ARFGEF2: variants seen among roughly 807,000 people sequenced by gnomAD.
ARFGEF2 encodes brefeldin A-inhibited guanine nucleotide-exchange protein 2.
A neutral mutation model predicts 219.9 loss-of-function variants in ARFGEF2; 74 were observed. That is an observed-to-expected ratio of 0.34 (90% CI 0.28 to 0.41). The LOEUF is 0.41. Among genes scored for constraint, ARFGEF2 ranks in the 10% least tolerant of loss-of-function variants. The pLI is 1.00. For synonymous variants in ARFGEF2, 733 were observed against 799.2 expected (o/e 0.92, Z 1.40); for missense variants, 1,743 against 2,218.3 (o/e 0.79, Z 4.30).
Position 48,991,046 on chromosome 20 carries a change from C to T in ARFGEF2, c.2821C>T (p.Arg941Ter). 3.1e-6 allele frequency: 5 copies of T among 1,613,966 alleles called. No individual in the cohort carries two copies. The highest frequency in any genetic ancestry group is 4.2e-6 in the Non-Finnish European group (5 of 1,179,954). The change falls in exon 21 of 39, where the codon CGA becomes TGA. Residue 941 changes from arginine (R) to a stop codon, truncating the protein, a stop_gained. Transcript: ENST00000371917. LOFTEE classifies it high-confidence loss of function. ...TCTTGGGTTTCTGTTACAGCTGGAACGAGATGCCTATGTTCAGGCTCTTGC... is the reference window on the plus strand; with the variant it reads ...TCTTGGGTTTCTGTTACAGCTGGAATGAGATGCCTATGTTCAGGCTCTTGC... ...IACIFGMQLE[R>*]DAYVQALARF...
chr20:49,002,099 G>A lies in ARFGEF2; in HGVS notation c.3433-2971G>A, dbSNP rs574879964. 3.9e-5 allele frequency among the ~76,000 whole-genome samples: 6 copies of A among 152,210 alleles called. No individual in the cohort carries two copies. In the South Asian group the frequency reaches 1.2e-3, roughly 32 times the overall value. On this transcript the variant is annotated intron_variant, in intron 25 of 38. Transcript: ENST00000371917. ...AGCCAAATACAAAAATTAGCAGGGC[G>A]CGGTAGTGGACGCCTGTAATCCCAG...
At chr20:48,955,067 A>G (rs1056978109) in intron 6 of ARFGEF2, among the ~76,000 whole-genome samples, 4 of 152,188 alleles carry the variant, frequency 2.6e-5, no homozygotes, top group African/African-American at 7.2e-5. Context: ...AGCCAAAGTG[A>G]TCTCTTAAAA....
chr20:48,977,491 C>T (rs1404886937), intron 14 of ARFGEF2, among the ~76,000 whole-genome samples: 1 of 152,090 alleles, frequency 6.6e-6, no homozygotes, highest in Non-Finnish European at 1.5e-5. Flanking sequence ...GGTATATACC[C>T]AGTAATGGGA....
In ARFGEF2 at chr20:49,023,523, GTT is replaced by G. The variant is rs11289917; in HGVS notation, c.4755+354_4755+355del. ...CAATTGATATACAGTTTTTTTTCTGGTTTTTTTTTTTTTGTTTTTTTTTTTGT... is the reference window on the plus strand; with the variant it reads ...CAATTGATATACAGTTTTTTTTCTGGTTTTTTTTTTTGTTTTTTTTTTTGT... On this transcript the variant is annotated intron_variant, in intron 35 of 38. Coordinates refer to ENST00000371917, the MANE Select transcript of ARFGEF2 (RefSeq NM_006420.3). 5.3e-4 allele frequency among the ~76,000 whole-genome samples: 51 copies of G among 96,990 alleles called. No individual in the cohort carries two copies. The East Asian group carries it at 0.011, about 22-fold the overall frequency. 63.6% of individuals were successfully genotyped at this position (96,990 alleles called of 152,430 possible).
chr20:48,979,975 A>G (rs531487176), intron 14 of ARFGEF2, among the ~76,000 whole-genome samples: 7 of 150,968 alleles, frequency 4.6e-5, no homozygotes, highest in East Asian at 3.9e-4. Context: ...TTATGTCTCT[A>G]TCTCCTTCAG....
chr20:48,964,144 C>T (rs183358558), intron 7 of ARFGEF2, among the ~76,000 whole-genome samples: 45 of 152,300 alleles, frequency 3.0e-4, no homozygotes, highest in Middle Eastern at 6.8e-3. Flanking sequence ...CGCGGTGGCT[C>T]ATGCCTGTAA....
At position 48,971,125 on chromosome 20, in the gene ARFGEF2, A is replaced by G; in HGVS notation, c.1196A>G (p.His399Arg). ...TTTTTCATTTTCTTTGCCAGATCCCATGAGCTGCGTTCCAAGGTGGTTTCC... is the reference window on the plus strand; with the variant it reads ...TTTTTCATTTTCTTTGCCAGATCCCGTGAGCTGCGTTCCAAGGTGGTTTCC... The part of the protein sequence containing the change: ...LGEGPPDPKS[H>R]ELRSKVVSLQ... The change falls in exon 10 of 39, where the codon CAT (histidine) becomes CGT (arginine). Residue 399 changes from histidine (H) to arginine (R), a missense_variant. His to Arg is a conservative substitution (Grantham distance 29). Around this residue, in one of 5 missense-constraint regions of ARFGEF2, gnomAD observed 666 missense variants for 955.4 expected, o/e 0.70. Transcript: ENST00000371917. 1 of 1,614,030 alleles carries G rather than the reference A, an allele frequency of 6.2e-7. No homozygotes were observed. Among genetic ancestry groups the G allele is most frequent in the Non-Finnish European group, 8.5e-7 (1 of 1,179,966 alleles).
intron 1 of ARFGEF2, among the ~76,000 whole-genome samples, chr20:48,927,933 A>C (rs1482276344): frequency 6.6e-6 from 1 of 152,080 alleles, no homozygotes; most frequent in East Asian, 1.9e-4. Context: ...GCATCAAAAA[A>C]CTGGATTGTT....
intron 1 of ARFGEF2, among the ~76,000 whole-genome samples, chr20:48,927,702 TA>T (rs1298054565): frequency 2.6e-5 from 4 of 151,670 alleles, no homozygotes; most frequent in Non-Finnish European, 5.9e-5. Flanking sequence ...AAAAAAAAAT[TA>T]AAAAATAAAT....
intron 1 of ARFGEF2, among the ~76,000 whole-genome samples, chr20:48,928,740 C>T (rs538680819): frequency 2.6e-5 from 4 of 152,212 alleles, no homozygotes; most frequent in Non-Finnish European, 5.9e-5. Context: ...GTGATCTGCC[C>T]GCCTCAGCCT....
Position 49,017,379 on chromosome 20 carries a change from C to A in ARFGEF2, c.4446C>A (p.Ile1482=). Residue 1482 remains isoleucine (I), a synonymous_variant, in exon 32 of 39, where the codon ATC becomes ATA. Coordinates refer to ENST00000371917, the MANE Select transcript of ARFGEF2 (RefSeq NM_006420.3). ...TGTTGGATATTTTCAAAACAACCAT[C>A]CCACATGTGTAAGTGTTCATGCAGT... The part of the protein sequence containing the change: ...NCMLDIFKTT[I]PHVLLTWRPV... 1 of 1,614,024 alleles carries A rather than the reference C, an allele frequency of 6.2e-7. No homozygotes were observed. Among genetic ancestry groups the A allele is most frequent in the Non-Finnish European group, 8.5e-7 (1 of 1,179,988 alleles).
chr20:49,005,019 C>G, intron 25 of ARFGEF2, 51 bp from the exon 26 acceptor site: 1 of 1,609,268 alleles, frequency 6.2e-7, no homozygotes. Context: ...AGACCCACGT[C>G]GGTCATTATT....
intron 14 of ARFGEF2, 56 bp from the exon 15 acceptor site, chr20:48,984,673 T>C (rs1053143660): frequency 1.2e-6 from 2 of 1,605,334 alleles, no homozygotes; most frequent in Non-Finnish European, 1.7e-6. Flanking sequence ...TACCAGCTTT[T>C]GCTATCCTCC....
chr20:48,988,614 A>G lies in ARFGEF2; in HGVS notation c.2485A>G (p.Met829Val). The G allele has an allele frequency of 6.2e-7, 1 of 1,613,868 alleles. No homozygotes were observed. ...AGAGATAGAAGGCAAGAAAATTGCA[A>G]TGAAAGAAACAAAAGAGCTAACGAT... ...YEEIEGKKIA[M>V]KETKELTIAT... Residue 829 changes from methionine to valine, a missense_variant, in exon 18 of 39, where the codon ATG becomes GTG. Coordinates refer to ENST00000371917, the MANE Select transcript of ARFGEF2 (RefSeq NM_006420.3).
chr20:48,999,367 C>A (rs1230390968), intron 25 of ARFGEF2: 4 of 349,874 alleles, frequency 1.1e-5, no homozygotes, highest in Non-Finnish European at 2.2e-5. Flanking sequence ...TTATTATATA[C>A]ATACAGACAT....
intron 26 of ARFGEF2, among the ~76,000 whole-genome samples, chr20:49,005,934 A>G (rs2032195947): frequency 6.6e-6 from 1 of 151,948 alleles, no homozygotes; most frequent in Non-Finnish European, 1.5e-5. Context: ...CGTACTGTTC[A>G]TTTATTCACT....
At chr20:48,999,290 C>T (rs556215407) in intron 25 of ARFGEF2, 23 of 443,912 alleles carry the variant, frequency 5.2e-5, no homozygotes, top group African/African-American at 4.7e-4. Flanking sequence ...AAAGACCCAT[C>T]TGGGTTCTAA....
intron 14 of ARFGEF2, among the ~76,000 whole-genome samples, chr20:48,977,927 T>G (rs2123433878): frequency 6.6e-6 from 1 of 152,338 alleles, no homozygotes; most frequent in South Asian, 2.1e-4. Flanking sequence ...TTCTGTAGGT[T>G]GCCTGTTCAC....
rs1397731767 is a variant in ARFGEF2 at position 49,025,371 on chromosome 20, A to T, written c.4814A>T (p.Tyr1605Phe). 1 of 1,613,984 alleles carries T rather than the reference A, an allele frequency of 6.2e-7. No homozygotes were observed. Among genetic ancestry groups the T allele is most frequent in the Non-Finnish European group, 8.5e-7 (1 of 1,179,988 alleles). Residue 1605 changes from tyrosine (Y) to phenylalanine (F), a missense_variant, in exon 36 of 39, where the codon TAC (tyrosine) becomes TTC (phenylalanine). Physicochemically the swap from Tyr to Phe is conservative, Grantham distance 22. Coordinates refer to ENST00000371917, the MANE Select transcript of ARFGEF2 (RefSeq NM_006420.3). Reference protein sequence around the residue: ...IETEDQGMYKYMSSQHLFKLL... With the variant: ...IETEDQGMYKFMSSQHLFKLL... ...ACGGAGGATCAGGGCATGTATAAGTACATGTCTTCCCAGCACCTCTTCAAG... is the reference window on the plus strand; with the variant it reads ...ACGGAGGATCAGGGCATGTATAAGTTCATGTCTTCCCAGCACCTCTTCAAG...
Sources: allele counts gnomAD v4.1 joint callset (sites outside exome capture counted in the v4.1 genomes callset), GRCh38; gene constraint gnomAD v4.1.1; regional missense constraint gnomAD v4.1.1; transcripts MANE v1.5; gene names NCBI Gene and HGNC (gene_info 2026-07-23, HGNC 2026-07-21).